Variants in KCTD16 observed in about 807,000 individuals in gnomAD.
KCTD16 encodes the protein BTB/POZ domain-containing protein KCTD16.
Under a neutral mutation model 33.2 loss-of-function variants are expected in KCTD16, and 13 were observed. The observed-to-expected ratio is 0.39, with a 90% confidence interval of 0.25 to 0.62. KCTD16 has a LOEUF of 0.62. KCTD16 is among the 20% of genes least tolerant of loss of function. The probability of loss-of-function intolerance (pLI) is 0.50; values close to 1 mark genes in which losing one functional copy is unlikely to be tolerated. For synonymous variants in KCTD16, 197 were observed against 195.3 expected (o/e 1.01, Z -0.07); for missense variants, 441 against 525.1 (o/e 0.84, Z 1.57).
At chr5:144,283,286 G>T (rs1755656639) in intron 3 of KCTD16, among the ~76,000 whole-genome samples, 1 of 152,136 alleles carries the variant, frequency 6.6e-6, no homozygotes. Context: ...CACCCTGTTG[G>T]TTAGACCACC....
At position 144,475,779 on chromosome 5, in the gene KCTD16, T is replaced by C. The variant is rs1335368586; in HGVS notation, c.*1665T>C. 6.6e-6 allele frequency: 1 copy of C among 152,630 alleles called. No homozygotes were observed. The highest frequency in any genetic ancestry group is 1.5e-5 in the Non-Finnish European group (1 of 68,040). 9.5% of individuals were successfully genotyped at this position (152,630 alleles called of 1,614,324 possible). ...TTTTGAAATCTTTCATTGATGCACA[T>C]TTATTATGTAAGATGTTCTGTCTTG... On this transcript the variant is annotated 3_prime_UTR_variant, in exon 4 of 4. Transcript: ENST00000512467.
chr5:144,353,367 A>G (rs1052608889), intron 3 of KCTD16, among the ~76,000 whole-genome samples: 3 of 152,184 alleles, frequency 2.0e-5, no homozygotes, highest in Non-Finnish European at 4.4e-5. Flanking sequence ...AAGAAGTGAA[A>G]GAGAAGCAGT....
chr5:144,282,638 T>C (rs1045620733), intron 3 of KCTD16, among the ~76,000 whole-genome samples: 4 of 152,170 alleles, frequency 2.6e-5, no homozygotes, highest in African/African-American at 4.8e-5. Context: ...CAGAAGTGTT[T>C]AGTGTTGTGT....
intron 3 of KCTD16, among the ~76,000 whole-genome samples, chr5:144,310,023 C>A (rs1162858221): frequency 2.1e-5 from 3 of 145,426 alleles, no homozygotes; most frequent in Non-Finnish European, 3.0e-5. Context: ...TTTAAGCCAG[C>A]AGAAACACAA....
At chr5:144,319,412 A>G (rs928038674) in intron 3 of KCTD16, among the ~76,000 whole-genome samples, 3 of 152,152 alleles carry the variant, frequency 2.0e-5, no homozygotes, top group African/African-American at 7.2e-5. Flanking sequence ...TGAGTTTTTT[A>G]TTTCCATTTC....
In KCTD16 at chr5:144,362,108, C is replaced by T. The variant is rs535283560; in HGVS notation, c.833-111552C>T. 6.6e-5 allele frequency among the ~76,000 whole-genome samples: 10 copies of T among 152,236 alleles called. No individual in the cohort carries two copies. The South Asian group carries it at 2.1e-3, about 32-fold the overall frequency. The stretch of plus-strand genomic sequence containing the variant: ...TCATTAATTCATCCATTCACTCATT[C>T]ACTCAGTGATCTCTTCAAACTACTA... On this transcript the variant is annotated intron_variant, in intron 3 of 3. Transcript: ENST00000512467.
intron 3 of KCTD16, among the ~76,000 whole-genome samples, chr5:144,368,058 C>G (rs537132030): frequency 6.6e-6 from 1 of 152,030 alleles, no homozygotes; most frequent in South Asian, 2.1e-4. Context: ...TTTTGAACTC[C>G]TGTGTGTTCT....
intron 2 of KCTD16, among the ~76,000 whole-genome samples, chr5:144,198,309 A>G (rs570835074): frequency 6.6e-6 from 1 of 152,312 alleles, no homozygotes; most frequent in East Asian, 1.9e-4. Context: ...ACCTTGTGCT[A>G]CCTGCTTGAG....
chr5:144,312,303 C>G (rs1254316114), intron 3 of KCTD16, among the ~76,000 whole-genome samples: 2 of 152,148 alleles, frequency 1.3e-5, no homozygotes, highest in African/African-American at 4.8e-5. Flanking sequence ...TTAGTAATGT[C>G]CATGAGCCTT....
At chr5:144,192,945 G>T (rs1752872447) in intron 2 of KCTD16, among the ~76,000 whole-genome samples, 1 of 152,144 alleles carries the variant, frequency 6.6e-6, no homozygotes, top group Non-Finnish European at 1.5e-5. Context: ...TTAGAAAGAG[G>T]ACACTGTTAG....
chr5:144,457,655 A>C (rs556398113), intron 3 of KCTD16, among the ~76,000 whole-genome samples: 2 of 152,316 alleles, frequency 1.3e-5, no homozygotes, highest in South Asian at 4.2e-4. Flanking sequence ...AATGAGATTA[A>C]AGTGAAGACT....
chr5:144,176,034 A>G (rs2126770265), intron 2 of KCTD16, among the ~76,000 whole-genome samples: 1 of 152,244 alleles, frequency 6.6e-6, no homozygotes, highest in Admixed American at 6.5e-5. Flanking sequence ...ATGCTTTTTT[A>G]TCTCTGTCCA....
chr5:144,308,273 G>A, intron 3 of KCTD16, among the ~76,000 whole-genome samples: 2 of 152,136 alleles, frequency 1.3e-5, no homozygotes, highest in East Asian at 3.8e-4. Context: ...TCACATTCTG[G>A]TTCCACACCC....
chr5:144,384,679 C>T (rs375694177), intron 3 of KCTD16, among the ~76,000 whole-genome samples: 30 of 152,054 alleles, frequency 2.0e-4, no homozygotes, highest in African/African-American at 5.1e-4. Context: ...TCTATTGTTC[C>T]GTATTCATCA....
At chr5:144,254,401 A>G (rs1374703302) in intron 3 of KCTD16, among the ~76,000 whole-genome samples, 1 of 151,716 alleles carries the variant, frequency 6.6e-6, no homozygotes, top group Non-Finnish European at 1.5e-5. Flanking sequence ...CACTCATTGC[A>G]TTATCTGGGA....
intron 3 of KCTD16, among the ~76,000 whole-genome samples, chr5:144,466,018 T>C (rs190560949): frequency 2.0e-5 from 3 of 152,102 alleles, no homozygotes; most frequent in East Asian, 3.9e-4. Context: ...TTTGTATTTT[T>C]AGTAGAGACG....
At chr5:144,458,824 TTCTC>T (rs1754130353) in intron 3 of KCTD16, among the ~76,000 whole-genome samples, 1 of 152,198 alleles carries the variant, frequency 6.6e-6, no homozygotes, top group African/African-American at 2.4e-5. Context: ...CAGCTATACT[TTCTC>T]TCCCTGTTGT....
chr5:144,317,864 C>T (rs1379434552), intron 3 of KCTD16, among the ~76,000 whole-genome samples: 1 of 152,182 alleles, frequency 6.6e-6, no homozygotes, highest in Non-Finnish European at 1.5e-5. Context: ...TTTTTACCTG[C>T]ATGGTGCTCC....
At chr5:144,412,554 T>A (rs1428212592) in intron 3 of KCTD16, among the ~76,000 whole-genome samples, 1 of 152,132 alleles carries the variant, frequency 6.6e-6, no homozygotes, top group South Asian at 2.1e-4. Flanking sequence ...AGAGTTTGAC[T>A]AGTGGATTCA....
Sources: gnomAD v4.1 joint callset for allele counts (sites outside exome capture counted in the v4.1 genomes callset) on GRCh38, gnomAD v4.1.1 for gene constraint, MANE v1.5 for transcripts, NCBI Gene and HGNC (gene_info 2026-07-23, HGNC 2026-07-21) for gene names.